NKAIN2: variants seen among roughly 807,000 people sequenced by gnomAD.
NKAIN2 encodes sodium/potassium-transporting ATPase subunit beta-1-interacting protein 2.
NKAIN2 carries 14 observed loss-of-function variants against 32.6 expected under a neutral mutation model. The observed-to-expected ratio is 0.43, with a 90% CI of 0.28 to 0.67. The LOEUF (loss-of-function observed/expected upper bound fraction) is 0.67. Ranked by LOEUF, NKAIN2 falls within the 30% of genes least tolerant of loss-of-function variation. NKAIN2 has a pLI of 0.17. For missense variants in NKAIN2, 198 were observed against 258.3 expected (o/e 0.77, Z 1.60); for synonymous variants, 80 against 87.2 (o/e 0.92, Z 0.46).
At chr6:123,998,540 G>A (rs1246687598) in intron 1 of NKAIN2, among the ~76,000 whole-genome samples, 1 of 151,942 alleles carries the variant, frequency 6.6e-6, no homozygotes, top group Non-Finnish European at 1.5e-5. Context: ...GGGCAAATCT[G>A]GATCCTAAAA....
intron 3 of NKAIN2, among the ~76,000 whole-genome samples, chr6:124,462,522 A>G (rs1372564114): frequency 6.6e-6 from 1 of 152,000 alleles, no homozygotes; most frequent in Non-Finnish European, 1.5e-5. Flanking sequence ...TAGCTTTCAG[A>G]GTTACTAAGT....
chr6:124,785,108 T>C (rs1479342627), intron 4 of NKAIN2, among the ~76,000 whole-genome samples: 1 of 152,126 alleles, frequency 6.6e-6, no homozygotes, highest in Non-Finnish European at 1.5e-5. Flanking sequence ...CATGAGTCTC[T>C]GAGGCTCTGT....
chr6:124,083,488 T>C (rs530501399), intron 1 of NKAIN2, among the ~76,000 whole-genome samples: 1 of 152,002 alleles, frequency 6.6e-6, no homozygotes, highest in African/African-American at 2.4e-5. Flanking sequence ...TTCTCTGTGT[T>C]CTAAATTTTT....
chr6:124,649,914 G>A (rs1784307487), intron 3 of NKAIN2, among the ~76,000 whole-genome samples: 1 of 152,084 alleles, frequency 6.6e-6, no homozygotes. Flanking sequence ...ATCAGTAGAT[G>A]TATAAAAAGC....
intron 1 of NKAIN2, among the ~76,000 whole-genome samples, chr6:123,976,800 T>C (rs1331457077): frequency 2.0e-5 from 3 of 151,788 alleles, no homozygotes; most frequent in Non-Finnish European, 4.4e-5. Flanking sequence ...TAGTTAAAAA[T>C]AAAGTGTATA....
chr6:124,134,066 GCTGA>G (rs1476108524), intron 1 of NKAIN2, among the ~76,000 whole-genome samples: 3 of 151,458 alleles, frequency 2.0e-5, no homozygotes, highest in Non-Finnish European at 4.4e-5. Flanking sequence ...AATTCAGAAG[GCTGA>G]CTATTAAGCT....
At chr6:124,347,754 T>G (rs1798505066) in intron 2 of NKAIN2, among the ~76,000 whole-genome samples, 1 of 152,202 alleles carries the variant, frequency 6.6e-6, no homozygotes, top group Non-Finnish European at 1.5e-5. Context: ...TTTTCCAAGT[T>G]TTCAGCTTCT....
chr6:124,259,823 A>C (rs1196112571), intron 1 of NKAIN2, among the ~76,000 whole-genome samples: 1 of 152,108 alleles, frequency 6.6e-6, no homozygotes, highest in South Asian at 2.1e-4. Flanking sequence ...CTGGACACCT[A>C]TTTTTTTCAC....
At chr6:124,160,775 T>C (rs1390275240) in intron 1 of NKAIN2, among the ~76,000 whole-genome samples, 1 of 152,192 alleles carries the variant, frequency 6.6e-6, no homozygotes, top group Non-Finnish European at 1.5e-5. Flanking sequence ...TGTTTTAATT[T>C]TTTTAGAATA....
At chr6:124,709,172 C>T (rs2114596355) in intron 4 of NKAIN2, among the ~76,000 whole-genome samples, 1 of 145,514 alleles carries the variant, frequency 6.9e-6, no homozygotes, top group South Asian at 2.2e-4. Context: ...ACCAGCCTTG[C>T]ATCCCAGGGA....
chr6:124,101,530 A>G (rs1458245719), intron 1 of NKAIN2, among the ~76,000 whole-genome samples: 1 of 152,082 alleles, frequency 6.6e-6, no homozygotes, highest in Non-Finnish European at 1.5e-5. Context: ...TATCATTTCT[A>G]TTAATTTATT....
chr6:124,635,086 G>A (rs1417269974), intron 3 of NKAIN2, among the ~76,000 whole-genome samples: 1 of 147,910 alleles, frequency 6.8e-6, no homozygotes, highest in African/African-American at 2.4e-5. Context: ...GACAAAGAAA[G>A]AAAGAGAAAG....
At chr6:124,571,663 G>A (rs921152531) in intron 3 of NKAIN2, among the ~76,000 whole-genome samples, 1 of 152,056 alleles carries the variant, frequency 6.6e-6, no homozygotes. Flanking sequence ...TCCCAGTCTT[G>A]GGTATGTCTT....
chr6:124,466,710 G>C (rs1338149250), intron 3 of NKAIN2, among the ~76,000 whole-genome samples: 1 of 148,402 alleles, frequency 6.7e-6, no homozygotes, highest in Non-Finnish European at 1.5e-5. Context: ...GTTACATATG[G>C]AGTCAAAAAG....
intron 4 of NKAIN2, among the ~76,000 whole-genome samples, chr6:124,790,732 A>G (rs1322496838): frequency 1.3e-5 from 2 of 152,070 alleles, no homozygotes; most frequent in East Asian, 3.9e-4. Flanking sequence ...GTTTCAGAAA[A>G]GACGATGCGA....
At chr6:123,825,463 A>AGGTAT (rs1774109225) in intron 1 of NKAIN2, among the ~76,000 whole-genome samples, 1 of 152,174 alleles carries the variant, frequency 6.6e-6, no homozygotes, top group Non-Finnish European at 1.5e-5. Flanking sequence ...TATTTGGAAC[A>AGGTAT]CAAAGATATG....
intron 3 of NKAIN2, among the ~76,000 whole-genome samples, chr6:124,360,831 G>T (rs1398627058): frequency 2.0e-5 from 3 of 152,156 alleles, no homozygotes; most frequent in Non-Finnish European, 2.9e-5. Flanking sequence ...TATTTTCCTA[G>T]ATGTCCTGTT....
intron 3 of NKAIN2, among the ~76,000 whole-genome samples, chr6:124,389,126 T>C (rs957558764): frequency 6.6e-6 from 1 of 152,122 alleles, no homozygotes; most frequent in Non-Finnish European, 1.5e-5. Context: ...CAGAGGCTTA[T>C]AGGAACCTAA....
intron 1 of NKAIN2, among the ~76,000 whole-genome samples, chr6:124,044,492 C>T (rs898906153): frequency 1.3e-5 from 2 of 152,048 alleles, no homozygotes; most frequent in Non-Finnish European, 2.9e-5. Context: ...GAGATATGGA[C>T]ATTTCTTTGC....
Sources: gnomAD v4.1 joint callset for allele counts (sites outside exome capture counted in the v4.1 genomes callset) on GRCh38, gnomAD v4.1.1 for gene constraint, MANE v1.5 for transcripts, NCBI Gene and HGNC (gene_info 2026-07-23, HGNC 2026-07-21) for gene names.